The following GNPTAB variants were observed in gnomAD, a reference collection of about 807,000 sequenced individuals.
GNPTAB encodes N-acetylglucosamine-1-phosphotransferase subunits alpha/beta.
Under a neutral mutation model 136.6 loss-of-function variants are expected in GNPTAB, and 92 were observed. The observed-to-expected ratio is 0.67, with a 90% CI of 0.57 to 0.80. GNPTAB has a LOEUF of 0.80. Among genes scored for constraint, GNPTAB ranks in the 30% least tolerant of loss-of-function variants. The pLI, the probability that GNPTAB is intolerant of heterozygous loss-of-function variation, is 0.00. For synonymous variants in GNPTAB, 512 were observed against 535.1 expected (o/e 0.96, Z 0.60); for missense variants, 1,343 against 1,501.8 (o/e 0.89, Z 1.75).
intron 7 of GNPTAB, among the ~76,000 whole-genome samples, chr12:101,777,394 GT>G (rs1253837068): frequency 1.3e-5 from 2 of 152,144 alleles, no homozygotes; most frequent in Admixed American, 1.3e-4. Context: ...GCCTCAACCT[GT>G]CTTTACAATC....
chr12:101,755,821 A>G (rs935038078), intron 18 of GNPTAB, among the ~76,000 whole-genome samples: 1 of 152,238 alleles, frequency 6.6e-6, no homozygotes, highest in Admixed American at 6.5e-5. Context: ...AACTGTGGAA[A>G]AAGCCTGGCT....
rs1439685364 is a variant in GNPTAB at position 101,786,019 on chromosome 12, A to C, written c.564T>G (p.Thr188=). 1.2e-6 allele frequency: 2 copies of C among 1,606,818 alleles called. No homozygotes were observed. The highest frequency in any genetic ancestry group is 1.7e-6 in the Non-Finnish European group (2 of 1,173,480). Residue 188 remains threonine, a synonymous_variant, in exon 5 of 21, where the codon ACT becomes ACG. Coordinates refer to ENST00000299314, the MANE Select transcript of GNPTAB (RefSeq NM_024312.5). The part of the protein sequence containing the change: ...TNVSVVVFDS[T]KDVEDAHSGL... ...TCCATAAAAAGATCTTACCATCCTTAGTACTGTCAAAAACAACAACTGAGA... is the reference window on the plus strand; with the variant it reads ...TCCATAAAAAGATCTTACCATCCTTCGTACTGTCAAAAACAACAACTGAGA...
intron 4 of GNPTAB, among the ~76,000 whole-genome samples, chr12:101,787,930 A>AG (rs57091448): frequency 6.6e-6 from 1 of 151,000 alleles, no homozygotes; most frequent in African/African-American, 2.4e-5. Flanking sequence ...AAAAAAAAAA[A>AG]GGCACTTCTG....
chr12:101,780,973 TA>T (rs1362578841), intron 5 of GNPTAB, among the ~76,000 whole-genome samples: 1 of 151,978 alleles, frequency 6.6e-6, no homozygotes. Flanking sequence ...TTGACTAGAG[TA>T]AAATATTTGG....
At chr12:101,749,310 T>C (rs1952782095) in intron 19 of GNPTAB, 119 bp from the exon 20 acceptor site, 1 of 732,466 alleles carries the variant, frequency 1.4e-6, no homozygotes, top group Middle Eastern at 3.1e-4. Context: ...AAACATTGTC[T>C]TGCAATTCTA....
intron 1 of GNPTAB, among the ~76,000 whole-genome samples, chr12:101,806,730 G>A (rs1022646458): frequency 5.9e-5 from 9 of 152,010 alleles, no homozygotes; most frequent in African/African-American, 9.7e-5. Flanking sequence ...CTCAAAAAAC[G>A]AGAGAGGTCA....
intron 1 of GNPTAB, among the ~76,000 whole-genome samples, chr12:101,801,932 G>C (rs925263167): frequency 2.0e-5 from 3 of 151,734 alleles, no homozygotes; most frequent in Non-Finnish European, 4.4e-5. Flanking sequence ...CGCACACCTG[G>C]AGTCCAGCTA....
intron 13 of GNPTAB, 62 bp from the exon 14 acceptor site, chr12:101,761,825 C>T: frequency 8.2e-7 from 1 of 1,226,620 alleles, no homozygotes; most frequent in Admixed American, 1.7e-5. Flanking sequence ...TACTTTGTTA[C>T]AAGACATTTT....
intron 2 of GNPTAB, 61 bp downstream of exon 2, chr12:101,796,616 T>C (rs1869307305): frequency 1.9e-6 from 2 of 1,052,498 alleles, no homozygotes; most frequent in South Asian, 2.5e-5. Flanking sequence ...ATTTACAGGA[T>C]GGCTATTTCA....
intron 1 of GNPTAB, among the ~76,000 whole-genome samples, chr12:101,801,204 C>A (rs1869599897): frequency 7.7e-6 from 1 of 129,748 alleles, no homozygotes; most frequent in Admixed American, 9.0e-5. Flanking sequence ...TGCACTCCAG[C>A]CTAGGTGACA....
chr12:101,761,147 C>T lies in GNPTAB; in HGVS notation c.3115G>A (p.Glu1039Lys), dbSNP rs201356176. Reference sequence around the variant, plus strand: ...AACACCTGCAAACTTAACGGCAGTTCGTGAATTCTGGTAGCCAGTGTTCGG... The same window carrying T: ...AACACCTGCAAACTTAACGGCAGTTTGTGAATTCTGGTAGCCAGTGTTCGG... Reference protein sequence around the residue: ...EIRTLATRIHELPLSLQDLTG... With the variant: ...EIRTLATRIHKLPLSLQDLTG... The change falls in exon 15 of 21, where the codon GAA (glutamate) becomes AAA (lysine). Residue 1039 changes from glutamate to lysine, a missense_variant. Physicochemically the swap from Glu to Lys is moderately conservative, Grantham distance 56. Coordinates refer to ENST00000299314, the MANE Select transcript of GNPTAB (RefSeq NM_024312.5). The T allele has an allele frequency of 4.3e-5, 69 of 1,613,052 alleles. No homozygotes were observed. The highest frequency in any genetic ancestry group is 5.5e-5 in the Non-Finnish European group (65 of 1,179,036).
intron 1 of GNPTAB, among the ~76,000 whole-genome samples, chr12:101,815,406 TA>T (rs1416787629): frequency 6.6e-6 from 1 of 152,250 alleles, no homozygotes; most frequent in African/African-American, 2.4e-5. Flanking sequence ...CCTTCTATAT[TA>T]TAAAGAAATA....
chr12:101,823,524 C>T (rs908572182), intron 1 of GNPTAB, among the ~76,000 whole-genome samples: 2 of 149,892 alleles, frequency 1.3e-5, no homozygotes, highest in African/African-American at 4.9e-5. Flanking sequence ...ACAAGAGAAT[C>T]GCTTGAACCC....
intron 2 of GNPTAB, chr12:101,795,992 G>A (rs1027116967): frequency 4.8e-6 from 2 of 418,692 alleles, no homozygotes; most frequent in African/African-American, 4.1e-5. Flanking sequence ...AAATGGTGAA[G>A]ACTGCGTTCC....
At chr12:101,796,900 A>G (rs772817488) in intron 1 of GNPTAB, 138 bp from the exon 2 acceptor site, 64 of 648,540 alleles carry the variant, frequency 9.9e-5, no homozygotes, top group Non-Finnish European at 1.6e-4. Flanking sequence ...ACTGCCTACC[A>G]CATACATCGT....
At chr12:101,805,565 T>C (rs1256627604) in intron 1 of GNPTAB, among the ~76,000 whole-genome samples, 1 of 152,160 alleles carries the variant, frequency 6.6e-6, no homozygotes, top group African/African-American at 2.4e-5. Context: ...TGGCTAATTT[T>C]TGGATTTTTT....
At chr12:101,829,903 G>C (rs1160908928) in intron 1 of GNPTAB, among the ~76,000 whole-genome samples, 1 of 150,508 alleles carries the variant, frequency 6.6e-6, no homozygotes, top group African/African-American at 2.4e-5. Context: ...TTCTCTTACG[G>C]AGCTTACAAT....
chr12:101,824,432 A>ATATATAT (rs1188582277), intron 1 of GNPTAB, among the ~76,000 whole-genome samples: 2 of 50,876 alleles, frequency 3.9e-5, no homozygotes, highest in African/African-American at 8.5e-5. Context: ...ATATATATAT[A>ATATATAT]TTTTCTTTTT....
At chr12:101,787,689 G>A (rs146099911) in intron 4 of GNPTAB, among the ~76,000 whole-genome samples, 3,293 of 152,098 alleles carry the variant, frequency 0.022, 102 homozygotes, top group African/African-American at 0.076. Context: ...CGAGGCGGGC[G>A]GATCACCTGA....
Sources: allele counts gnomAD v4.1 joint callset (sites outside exome capture counted in the v4.1 genomes callset), GRCh38; gene constraint gnomAD v4.1.1; transcripts MANE v1.5; gene names NCBI Gene and HGNC (gene_info 2026-07-23, HGNC 2026-07-21).